The following MACF1 variants were observed in gnomAD, a reference collection of about 807,000 sequenced individuals.
The protein encoded by MACF1 is microtubule actin crosslinking factor 1, also known as microtubule-actin cross-linking factor 1.
A neutral mutation model predicts 854.8 loss-of-function variants in MACF1; 193 were observed. The ratio of observed to expected loss-of-function variants is 0.23; its 90% CI spans 0.20 to 0.25. The LOEUF (loss-of-function observed/expected upper bound fraction) is 0.25. MACF1 is among the 10% of genes least tolerant of loss of function. The pLI is 1.00. For synonymous variants in MACF1, 3,185 were observed against 3,226.7 expected, an observed-to-expected ratio of 0.99 and a Z score of 0.44; for missense variants, 7,722 against 8,929.1, an observed-to-expected ratio of 0.86 and a Z score of 5.45.
intron 6 of MACF1, chr1:39,269,268 A>G (rs1362100562): frequency 7.8e-7 from 1 of 1,289,868 alleles, no homozygotes; most frequent in East Asian, 5.6e-5. Flanking sequence ...GGAGAAAGGA[A>G]ATATTCAGCG....
chr1:39,291,333 A>C (rs1451954579), intron 15 of MACF1, among the ~76,000 whole-genome samples: 1 of 152,192 alleles, frequency 6.6e-6, no homozygotes, highest in Non-Finnish European at 1.5e-5. Context: ...AAGGGGCACT[A>C]TTTACATGTG....
chr1:39,464,909 C>CA (rs5773660), intron 94 of MACF1, 186 bp from the exon 95 acceptor site: 9,151 of 452,146 alleles, frequency 0.02, 2 homozygotes, highest in Middle Eastern at 0.033. Flanking sequence ...GCGAGACTCT[C>CA]AAAAAAAAAA....
At chr1:39,429,800 T>C (rs762932956) in intron 64 of MACF1, 27 bp from the exon 65 acceptor site, 66 of 1,609,812 alleles carry the variant, frequency 4.1e-5, no homozygotes, top group Non-Finnish European at 5.4e-5. Flanking sequence ...CTCTTAAATA[T>C]GAGTAATTGT....
chr1:39,109,871 C>T (rs1443481763), intron 2 of MACF1, among the ~76,000 whole-genome samples: 3 of 152,120 alleles, frequency 2.0e-5, no homozygotes, highest in African/African-American at 4.8e-5. Context: ...TTGTTAGTAT[C>T]ATTATTGTTG....
chr1:39,363,767 G>T (rs996882830), intron 49 of MACF1, among the ~76,000 whole-genome samples: 1 of 151,730 alleles, frequency 6.6e-6, no homozygotes, highest in Admixed American at 6.6e-5. Flanking sequence ...TGCCTGCCAC[G>T]ATGCCTGGGT....
intron 56 of MACF1, 31 bp from the exon 57 acceptor site, chr1:39,385,403 T>G: frequency 3.1e-6 from 5 of 1,605,992 alleles, no homozygotes; most frequent in Non-Finnish European, 4.3e-6. Flanking sequence ...TTTTTTCCTG[T>G]CTAAACATCT....
upstream of MACF1, among the ~76,000 whole-genome samples, chr1:39,200,700 G>C (rs1022182119): frequency 6.9e-6 from 1 of 145,674 alleles, no homozygotes; most frequent in Non-Finnish European, 1.5e-5. Context: ...CTCCATCTCA[G>C]AGAAAAAAAA....
chr1:39,436,034 G>A (rs542250429), intron 70 of MACF1: 8 of 431,616 alleles, frequency 1.9e-5, no homozygotes, highest in African/African-American at 1.0e-4. Flanking sequence ...TCCTTTAGCA[G>A]ATGATTTTGG....
chr1:39,354,940 C>A (rs74066755), intron 44 of MACF1, among the ~76,000 whole-genome samples: 4,810 of 152,226 alleles, frequency 0.032, 257 homozygotes, highest in African/African-American at 0.11. Context: ...GTGAGCCAAC[C>A]AAGTAAACCA....
intron 57 of MACF1, 117 bp from the exon 58 acceptor site, chr1:39,387,070 T>C (rs144063705): frequency 3.0e-5 from 33 of 1,102,142 alleles, no homozygotes; most frequent in African/African-American, 2.3e-4. Context: ...CTCTTTTTGG[T>C]AGGCCCTCAA....
intron 2 of MACF1, among the ~76,000 whole-genome samples, chr1:39,185,959 T>G (rs1644163332): frequency 6.6e-6 from 1 of 152,102 alleles, no homozygotes; most frequent in Non-Finnish European, 1.5e-5. Flanking sequence ...TGATGCTGTT[T>G]CAGAAGTCAC....
At chr1:39,295,199 T>C in intron 19 of MACF1, 49 bp downstream of exon 19, 1 of 1,463,266 alleles carries the variant, frequency 6.8e-7, no homozygotes. Flanking sequence ...AGGTTGTTGT[T>C]ATAAAAGTAT....
rs769890208 is a variant in MACF1, at chr1:39,331,754, A to T, written c.5166A>T (p.Glu1722Asp). Residue 1722 changes from glutamate (E) to aspartate (D), a missense_variant, in exon 37 of 101, where the codon GAA becomes GAT. By Grantham distance (45) the Glu-to-Asp change is conservative. Coordinates refer to ENST00000564288, the MANE Select transcript of MACF1 (RefSeq NM_001394062.1). Reference sequence around the variant, plus strand: ...TGCAGCGATGTATTGTCCACCAGGAATCAGGATTCAAATTACTGCCTGTCA... The same window carrying T: ...TGCAGCGATGTATTGTCCACCAGGATTCAGGATTCAAATTACTGCCTGTCA... ...DLMQRCIVHQ[E>D]SGFKLLPVKQ... 18 of 1,614,092 alleles carry T rather than the reference A, an allele frequency of 1.1e-5. No homozygotes were observed. The African/African-American group carries it at 2.3e-4, about 20-fold the overall frequency.
At chr1:39,441,931 T>C in intron 74 of MACF1, 21 bp from the exon 75 acceptor site, 1 of 1,586,504 alleles carries the variant, frequency 6.3e-7, no homozygotes, top group Non-Finnish European at 8.7e-7. Context: ...TTTTTGACTG[T>C]TTACTTGTCT....
intron 6 of MACF1, among the ~76,000 whole-genome samples, chr1:39,276,226 T>C (rs531832491): frequency 6.6e-6 from 1 of 152,246 alleles, no homozygotes; most frequent in African/African-American, 2.4e-5. Flanking sequence ...AGCCCTCATT[T>C]GCTTCTTGAA....
In MACF1 at chr1:39,429,880, G is replaced by A. The variant is rs200410266; in HGVS notation, c.16942G>A (p.Ala5648Thr). 2.7e-5 allele frequency: 44 copies of A among 1,613,938 alleles called. No homozygotes were observed. Among genetic ancestry groups the A allele is most frequent in the Middle Eastern group, 1.6e-4 (1 of 6,082 alleles). Residue 5648 changes from alanine (A) to threonine (T), a missense_variant, in exon 65 of 101, where the codon GCA (alanine) becomes ACA (threonine). By Grantham distance (58) the Ala-to-Thr change is moderately conservative. Transcript: ENST00000564288. ...ACTAGATGGTATAAAGACTCGTTAC[G>A]CAGACATCACAGTTACTAGCTCCAA... ...EKLDGIKTRY[A>T]DITVTSSKAL...
chr1:39,176,295 C>G lies in MACF1; in HGVS notation c.221-54887C>G, dbSNP rs1022860720. Among the ~76,000 whole-genome samples, 7 of 144,540 alleles carry G rather than the reference C, an allele frequency of 4.8e-5. No homozygotes were observed. In the East Asian group the frequency reaches 1.4e-3, roughly 30 times the overall value. 94.8% of individuals were successfully genotyped at this position (144,540 alleles called of 152,430 possible). On this transcript the variant is annotated intron_variant, in intron 2 of 93. Coordinates refer to the MACF1 transcript ENST00000361689. Reference sequence around the variant, plus strand: ...TCTGTCTCCAAAAAAAAAAAAAATTCTCACTTTCTTCTTCTAAATCCATTT... The same window carrying G: ...TCTGTCTCCAAAAAAAAAAAAAATTGTCACTTTCTTCTTCTAAATCCATTT...
intron 20 of MACF1, 147 bp downstream of exon 20, chr1:39,296,029 A>C: frequency 1.5e-6 from 1 of 646,822 alleles, no homozygotes; most frequent in Non-Finnish European, 2.6e-6. Flanking sequence ...TAGATAGCTC[A>C]TGATTCAGTA....
intron 82 of MACF1, 45 bp downstream of exon 82, chr1:39,447,943 C>G: frequency 6.2e-7 from 1 of 1,611,170 alleles, no homozygotes; most frequent in South Asian, 1.1e-5. Context: ...GAGTCTTGGG[C>G]TGCATGTATT....
Sources: gnomAD v4.1 joint callset for allele counts (sites outside exome capture counted in the v4.1 genomes callset) on GRCh38, gnomAD v4.1.1 for gene constraint, MANE v1.5 for transcripts, NCBI Gene and HGNC (gene_info 2026-07-23, HGNC 2026-07-21) for gene names.